Variants in LAMB4 observed in about 807,000 individuals in gnomAD.
The protein encoded by LAMB4 is laminin subunit beta 4, also known as laminin subunit beta-4.
A neutral mutation model predicts 199.2 loss-of-function variants in LAMB4; 196 were observed. That is an observed-to-expected ratio of 0.98 (90% CI 0.88 to 1.11). LAMB4 has a LOEUF of 1.11. Among genes scored for constraint, LAMB4 ranks in the 50% least tolerant of loss-of-function variants. LAMB4 has a pLI of 0.00. For synonymous variants in LAMB4, 744 were observed against 770.6 expected (o/e 0.97, Z 0.57); for missense variants, 2,080 against 2,171.2 (o/e 0.96, Z 0.83).
intron 23 of LAMB4, among the ~76,000 whole-genome samples, chr7:108,058,653 CCTTTT>C (rs913171398): frequency 3.3e-5 from 5 of 151,964 alleles, no homozygotes; most frequent in Non-Finnish European, 5.9e-5. Context: ...ACTTTTCTTT[CCTTTT>C]CTTTTCTTTT....
At chr7:108,032,260 C>T (rs968340741) in intron 31 of LAMB4, among the ~76,000 whole-genome samples, 49 of 152,044 alleles carry the variant, frequency 3.2e-4, no homozygotes, top group African/African-American at 9.4e-4. Context: ...CTTGGTGGTA[C>T]GCACCTGTAA....
chr7:108,066,990 A>G (rs551195431), intron 19 of LAMB4, among the ~76,000 whole-genome samples: 3 of 152,000 alleles, frequency 2.0e-5, no homozygotes, highest in Admixed American at 6.6e-5. Context: ...ATTATAAACC[A>G]TATAAGAGCC....
In LAMB4 at chr7:108,062,907, C is replaced by T. The variant is rs745833916; in HGVS notation, c.3149G>A (p.Cys1050Tyr). Residue 1050 changes from cysteine to tyrosine, a missense_variant, in exon 23 of 34, where the codon TGT becomes TAT. Transcript: ENST00000388781. ...ACLCDPVTGA[C>Y]PCLPNVTGLA... ...GCCTGTGACATTCGGCAGACAAGGA[C>T]ATGCACCAGTGACAGGGTCACAGAG... The T allele has an allele frequency of 1.9e-6, 3 of 1,609,072 alleles. No homozygotes were observed. The African/African-American group carries it at 4.0e-5, about 22-fold the overall frequency.
intron 2 of LAMB4, among the ~76,000 whole-genome samples, chr7:108,120,281 G>GA (rs1466033718): frequency 1.3e-5 from 2 of 151,862 alleles, no homozygotes; most frequent in Non-Finnish European, 2.9e-5. Flanking sequence ...TATGGTTATT[G>GA]AAAAAAACGT....
rs536976902 is a variant in LAMB4 at position 108,124,988 on chromosome 7, C to G, written c.-33-1791G>C. On this transcript the variant is annotated intron_variant, in intron 1 of 33. Coordinates refer to ENST00000388781, the MANE Select transcript of LAMB4 (RefSeq NM_007356.3). ...CAATGCCTGATTTTAGGCAAATATC[C>G]CATTCTGTGATTCAGGCTCTTTATG... is the stretch of plus-strand genomic sequence containing the variant. Among the ~76,000 whole-genome samples the G allele has an allele frequency of 2.6e-5, 4 of 152,268 alleles. No homozygotes were observed. In the East Asian group the frequency reaches 7.7e-4, roughly 29 times the overall value.
chr7:108,098,086 A>G (rs451416), intron 11 of LAMB4, among the ~76,000 whole-genome samples: 52,800 of 152,028 alleles, frequency 0.35, 9,645 homozygotes, highest in Non-Finnish European at 0.4. Context: ...AAGCTTTAAA[A>G]CGCATAGGGG....
downstream of LAMB4, among the ~76,000 whole-genome samples, chr7:108,022,627 C>G (rs573116186): frequency 6.6e-6 from 1 of 152,106 alleles, no homozygotes; most frequent in South Asian, 2.1e-4. Flanking sequence ...ATATGTGAAC[C>G]ATTGTAATTA....
chr7:108,053,459 A>G (rs1331543179), intron 25 of LAMB4, among the ~76,000 whole-genome samples: 1 of 152,242 alleles, frequency 6.6e-6, no homozygotes, highest in East Asian at 1.9e-4. Flanking sequence ...GGTGCCCCAC[A>G]GCGAGGCAAT....
chr7:108,034,174 C>T (rs748875357), intron 31 of LAMB4, 34 bp downstream of exon 31: 7 of 1,609,966 alleles, frequency 4.3e-6, no homozygotes, highest in Non-Finnish European at 5.9e-6. Flanking sequence ...ACCCTCAAAA[C>T]CTATTTCAGG....
chr7:108,117,473 G>T (rs894807599), intron 2 of LAMB4, among the ~76,000 whole-genome samples: 1 of 152,146 alleles, frequency 6.6e-6, no homozygotes, highest in Non-Finnish European at 1.5e-5. Flanking sequence ...GAATCTTACT[G>T]GGGGTTAAGA....
the LAMB4 span, among the ~76,000 whole-genome samples, chr7:108,015,152 T>A: frequency 1.3e-5 from 2 of 152,250 alleles, no homozygotes; most frequent in African/African-American, 4.8e-5. Flanking sequence ...AAAGTAATTG[T>A]TCTCTTGATC....
rs117739162 is a variant in LAMB4 at position 108,103,775 on chromosome 7, A to C, written c.992-543T>G. Reference sequence around the variant, plus strand: ...TTTGGAGGAATTTGTCTTCATGATAATGTCTACACTGTTTGTCTTTTTGTT... The same window carrying C: ...TTTGGAGGAATTTGTCTTCATGATACTGTCTACACTGTTTGTCTTTTTGTT... On this transcript the variant is annotated intron_variant, in intron 9 of 33. Coordinates refer to ENST00000388781, the MANE Select transcript of LAMB4 (RefSeq NM_007356.3). Among the ~76,000 whole-genome samples the C allele has an allele frequency of 5.2e-3, 791 of 152,268 alleles. 3 individuals are homozygous for C. Among genetic ancestry groups the C allele is most frequent in the Non-Finnish European group, 7.2e-3 (488 of 68,022 alleles).
chr7:108,080,622 A>G (rs916483539), intron 14 of LAMB4, among the ~76,000 whole-genome samples: 13 of 152,174 alleles, frequency 8.5e-5, no homozygotes, highest in African/African-American at 3.1e-4. Context: ...CCTTCATTTG[A>G]TAAATGTTTA....
At chr7:108,076,354 A>G (rs2036703775) in intron 17 of LAMB4, among the ~76,000 whole-genome samples, 1 of 152,182 alleles carries the variant, frequency 6.6e-6, no homozygotes. Context: ...ATGTTGGAAG[A>G]AGTCACTCAG....
chr7:108,053,929 G>A (rs937787450), intron 25 of LAMB4, among the ~76,000 whole-genome samples: 1 of 152,134 alleles, frequency 6.6e-6, no homozygotes, highest in Non-Finnish European at 1.5e-5. Context: ...TTTGAAGTGG[G>A]GATAGTTCAG....
chr7:108,107,779 T>G lies in LAMB4; in HGVS notation c.443A>C (p.Asp148Ala). The change falls in exon 6 of 34, where the codon GAC becomes GCC. Residue 148 changes from aspartate (D) to alanine (A), a missense_variant. By Grantham distance (126) the Asp-to-Ala change is moderately radical. Coordinates refer to ENST00000388781, the MANE Select transcript of LAMB4 (RefSeq NM_007356.3). ...PAAMLVERST[D>A]YGHNWKVFKY... ...GAACACTTTCCAGTTGTGTCCATAG[T>G]CTGTGGAACGTTCAACTAACATTGC... The G allele has an allele frequency of 6.2e-7, 1 of 1,606,586 alleles. No individual in the cohort carries two copies. Among genetic ancestry groups the G allele is most frequent in the South Asian group, 1.1e-5 (1 of 88,648 alleles).
At chr7:108,070,937 C>T (rs920494320) in intron 17 of LAMB4, among the ~76,000 whole-genome samples, 1 of 152,214 alleles carries the variant, frequency 6.6e-6, no homozygotes, top group Non-Finnish European at 1.5e-5. Flanking sequence ...GAGCTTCCTA[C>T]TACCTGCCTC....
In LAMB4 at chr7:108,105,971, G is replaced by A; in HGVS notation, c.716C>T (p.Ala239Val). 5.6e-6 allele frequency: 9 copies of A among 1,614,166 alleles called. No individual in the cohort carries two copies. Among genetic ancestry groups the A allele is most frequent in the Non-Finnish European group, 5.9e-6 (7 of 1,179,998 alleles). Residue 239 changes from alanine (A) to valine (V), a missense_variant, in exon 8 of 34, where the codon GCT (alanine) becomes GTT (valine). Ala to Val is a moderately conservative substitution (Grantham distance 64, BLOSUM62 0). Coordinates refer to ENST00000388781, the MANE Select transcript of LAMB4 (RefSeq NM_007356.3). ...ATCATTTTGCCTCCTTCCAAGCAAAGCATCCCCAAGGGTGTGGAGCTTGGT... is the reference window on the plus strand; with the variant it reads ...ATCATTTTGCCTCCTTCCAAGCAAAACATCCCCAAGGGTGTGGAGCTTGGT... The part of the protein sequence containing the change: ...NFTKLHTLGD[A>V]LLGRRQNDSL...
chr7:108,088,622 G>T (rs1428130358), intron 14 of LAMB4, among the ~76,000 whole-genome samples: 4 of 152,174 alleles, frequency 2.6e-5, no homozygotes, highest in African/African-American at 9.7e-5. Context: ...TTCTTCATAA[G>T]ATGCAGTTGG....
Sources: allele counts gnomAD v4.1 joint callset (sites outside exome capture counted in the v4.1 genomes callset), GRCh38; gene constraint gnomAD v4.1.1; transcripts MANE v1.5; gene names NCBI Gene and HGNC (gene_info 2026-07-23, HGNC 2026-07-21).